MIPEP: variants seen among roughly 807,000 people sequenced by gnomAD.
MIPEP encodes the protein mitochondrial intermediate peptidase.
Under a neutral mutation model 90.3 loss-of-function variants are expected in MIPEP, and 79 were observed. The observed-to-expected ratio is 0.87, with a 90% CI of 0.73 to 1.05. The LOEUF (loss-of-function observed/expected upper bound fraction) is 1.05. Among genes scored for constraint, MIPEP ranks in the 50% least tolerant of loss-of-function variants. The probability of loss-of-function intolerance (pLI) is 0.00; values close to 1 mark genes in which losing one functional copy is unlikely to be tolerated. For synonymous variants in MIPEP, 334 were observed against 315.8 expected (o/e 1.06, Z -0.61); for missense variants, 940 against 905.6 (o/e 1.04, Z -0.49).
chr13:23,812,211 G>GC (rs1953180468), intron 14 of MIPEP, among the ~76,000 whole-genome samples: 1 of 152,120 alleles, frequency 6.6e-6, no homozygotes. Context: ...GGAAGAAAAG[G>GC]CCCGTAGGGG....
chr13:23,757,923 A>G (rs2138513239), intron 17 of MIPEP, among the ~76,000 whole-genome samples: 2 of 152,344 alleles, frequency 1.3e-5, no homozygotes, highest in Middle Eastern at 6.8e-3. Context: ...CTATGATGAG[A>G]CAGGTTAAAT....
chr13:23,830,440 G>A lies in MIPEP; in HGVS notation c.1653+5800C>T, dbSNP rs559005918. Among the ~76,000 whole-genome samples the A allele has an allele frequency of 2.1e-4, 32 of 152,274 alleles. No homozygotes were observed. The South Asian group carries it at 5.0e-3, about 24-fold the overall frequency. On this transcript the variant is annotated intron_variant, in intron 14 of 18. Coordinates refer to ENST00000382172, the MANE Select transcript of MIPEP (RefSeq NM_005932.4). ...CTATGCTTTCCTCTGGGAGGCAAGC[G>A]GGGCAGAGATGGGTTCAGAGAAGAG...
chr13:23,773,397 A>T (rs962622968), intron 16 of MIPEP, among the ~76,000 whole-genome samples: 2 of 152,220 alleles, frequency 1.3e-5, no homozygotes, highest in African/African-American at 4.8e-5. Context: ...GACTATCATG[A>T]ATAATGCTGT....
intron 5 of MIPEP, among the ~76,000 whole-genome samples, chr13:23,874,522 C>T (rs1870974520): frequency 6.6e-6 from 1 of 152,174 alleles, no homozygotes; most frequent in African/African-American, 2.4e-5. Flanking sequence ...CCCTGTACTA[C>T]CAATCTTCAA....
chr13:23,882,266 T>C (rs959824766), intron 2 of MIPEP, among the ~76,000 whole-genome samples: 24 of 152,150 alleles, frequency 1.6e-4, no homozygotes, highest in Middle Eastern at 3.2e-3. Context: ...GACACTGGTT[T>C]CAAATATTCT....
chr13:23,849,203 T>C lies in MIPEP; in HGVS notation c.1107-7715A>G, dbSNP rs1031280674. On this transcript the variant is annotated intron_variant, in intron 10 of 18. Coordinates refer to ENST00000382172, the MANE Select transcript of MIPEP (RefSeq NM_005932.4). Reference sequence around the variant, plus strand: ...TCCATCCACAGCTTCCTTATCTGCATAGATGCTACACATAAGAACATTTTC... The same window carrying C: ...TCCATCCACAGCTTCCTTATCTGCACAGATGCTACACATAAGAACATTTTC... Among the ~76,000 whole-genome samples, 7 of 152,206 alleles carry C rather than the reference T, an allele frequency of 4.6e-5. No homozygotes were observed. The East Asian group carries it at 1.3e-3, about 29-fold the overall frequency.
At chr13:23,886,173 G>A (rs575826506) in intron 2 of MIPEP, among the ~76,000 whole-genome samples, 160 bp downstream of exon 2, 126 of 151,948 alleles carry the variant, frequency 8.3e-4, no homozygotes, top group African/African-American at 3.0e-3. Flanking sequence ...CATTCCTAAT[G>A]ACATATTTCA....
chr13:23,826,336 T>C (rs1252029069), intron 14 of MIPEP, among the ~76,000 whole-genome samples: 2 of 152,140 alleles, frequency 1.3e-5, no homozygotes, highest in African/African-American at 4.8e-5. Flanking sequence ...CTTACCAGAC[T>C]AGTATGAAAC....
chr13:23,812,936 A>G (rs1953191206), intron 14 of MIPEP, among the ~76,000 whole-genome samples: 1 of 152,232 alleles, frequency 6.6e-6, no homozygotes, highest in South Asian at 2.1e-4. Flanking sequence ...CAGAATCATT[A>G]ACTCATCAAA....
At chr13:23,822,028 G>C (rs945901894) in intron 14 of MIPEP, among the ~76,000 whole-genome samples, 3 of 152,184 alleles carry the variant, frequency 2.0e-5, no homozygotes, top group South Asian at 2.1e-4. Context: ...ATTTAGAAGA[G>C]AGTAATCATT....
intron 2 of MIPEP, among the ~76,000 whole-genome samples, chr13:23,884,442 C>A (rs1460612072): frequency 3.3e-5 from 5 of 152,150 alleles, no homozygotes; most frequent in Non-Finnish European, 1.5e-5. Context: ...GGTAAGGATT[C>A]ATGAGACCTG....
At position 23,786,799 on chromosome 13, in the gene MIPEP, C is replaced by T. The variant is rs190423615; in HGVS notation, c.1848+19151G>A. ...CCTAATCTATTGCACAACTTTGCAA[C>T]GTGTCTGGGAACATCAACTTTGCTT... On this transcript the variant is annotated intron_variant, in intron 16 of 18. Transcript: ENST00000382172. Among the ~76,000 whole-genome samples the T allele has an allele frequency of 1.8e-4, 27 of 152,314 alleles. No individual in the cohort carries two copies. The Middle Eastern group carries it at 0.014, about 77-fold the overall frequency.
intron 14 of MIPEP, among the ~76,000 whole-genome samples, chr13:23,818,555 C>T (rs145290246): frequency 2.0e-5 from 3 of 152,252 alleles, no homozygotes; most frequent in Non-Finnish European, 4.4e-5. Context: ...TCAGGAACTG[C>T]CATATAGTCT....
intron 10 of MIPEP, among the ~76,000 whole-genome samples, chr13:23,853,557 C>T (rs1006443282): frequency 6.7e-6 from 1 of 149,484 alleles, no homozygotes; most frequent in African/African-American, 2.5e-5. Flanking sequence ...AAGTGCCTAA[C>T]GATGCTTTTT....
At chr13:23,754,297 T>G (rs34407699) in intron 18 of MIPEP, among the ~76,000 whole-genome samples, 11 of 152,202 alleles carry the variant, frequency 7.2e-5, no homozygotes, top group Non-Finnish European at 1.3e-4. Context: ...TCCAGCCCTA[T>G]GAAGTGACAA....
intron 18 of MIPEP, among the ~76,000 whole-genome samples, chr13:23,732,736 A>G (rs1046251872): frequency 6.6e-6 from 1 of 152,230 alleles, no homozygotes; most frequent in Non-Finnish European, 1.5e-5. Context: ...GGTGAAAAAA[A>G]TCAGAACTGT....
chr13:23,852,312 T>C (rs1216170094), intron 10 of MIPEP, among the ~76,000 whole-genome samples: 1 of 152,214 alleles, frequency 6.6e-6, no homozygotes, highest in Admixed American at 6.5e-5. Flanking sequence ...TTTTATTAGG[T>C]AATAATGATA....
chr13:23,851,401 C>T (rs1479138776), intron 10 of MIPEP, among the ~76,000 whole-genome samples: 2 of 152,174 alleles, frequency 1.3e-5, no homozygotes, highest in African/African-American at 4.8e-5. Flanking sequence ...CCAGATAATA[C>T]TCATTTGTCA....
rs58008469 is a variant in MIPEP at position 23,831,383 on chromosome 13, C to CCGGGGGG, written c.1653+4856_1653+4857insCCCCCCG. On this transcript the variant is annotated intron_variant, in intron 14 of 18. Transcript: ENST00000382172. ...CGGGGACAGCCTAGCTTCCCCATGG[C>CCGGGGGG]GGGGGGGGGATGTGGATGGGAATTG... Among the ~76,000 whole-genome samples, 37 of 40,802 alleles carry CCGGGGGG rather than the reference C, an allele frequency of 9.1e-4. 4 individuals carry two copies. Among genetic ancestry groups the CCGGGGGG allele is most frequent in the East Asian group, 8.7e-3 (18 of 2,076 alleles). The allele number at this position is 40,802 out of a possible 152,430, so 26.8% of individuals were successfully genotyped here.
Sources: gnomAD v4.1 joint callset for allele counts (sites outside exome capture counted in the v4.1 genomes callset) on GRCh38, gnomAD v4.1.1 for gene constraint, MANE v1.5 for transcripts, NCBI Gene and HGNC (gene_info 2026-07-23, HGNC 2026-07-21) for gene names.